The following ALDH1L1 variants were observed in gnomAD, a reference collection of about 807,000 sequenced individuals.
ALDH1L1 encodes cytosolic 10-formyltetrahydrofolate dehydrogenase.
A neutral mutation model predicts 101.1 loss-of-function variants in ALDH1L1; 68 were observed. That is an observed-to-expected ratio of 0.67 (90% CI 0.55 to 0.82). The LOEUF is 0.82. Ranked by LOEUF, ALDH1L1 falls within the 40% of genes least tolerant of loss-of-function variation. The pLI is 0.00. For missense variants in ALDH1L1, 1,087 were observed against 1,172.7 expected (o/e 0.93, Z 1.07); for synonymous variants, 486 against 470.8 (o/e 1.03, Z -0.42).
intron 9 of ALDH1L1, among the ~76,000 whole-genome samples, chr3:126,142,720 T>C (rs13078804): frequency 0.61 from 92,446 of 152,092 alleles, 28,417 homozygotes; most frequent in Middle Eastern, 0.7. Context: ...ATTTGAAAAA[T>C]CCACAGCTAA....
chr3:126,158,066 C>A (rs1310723601), intron 3 of ALDH1L1, among the ~76,000 whole-genome samples: 4 of 152,142 alleles, frequency 2.6e-5, no homozygotes, highest in Admixed American at 2.6e-4. Flanking sequence ...GGGGTGGCAC[C>A]CTGGCCCCTG....
chr3:126,106,994 G>A (rs1945897183), intron 21 of ALDH1L1, 147 bp downstream of exon 21: 3 of 683,604 alleles, frequency 4.4e-6, no homozygotes, highest in Non-Finnish European at 7.6e-6. Flanking sequence ...AGACTCAGCA[G>A]GCGGCACAAG....
intron 8 of ALDH1L1, 149 bp from the exon 9 acceptor site, chr3:126,147,075 A>T: frequency 1.4e-6 from 1 of 712,404 alleles, no homozygotes; most frequent in Non-Finnish European, 2.3e-6. Context: ...TCATCCCAGG[A>T]GGCTTAATGG....
At chr3:126,181,010 G>A (rs139632792), upstream of ALDH1L1, 1 of 1,604,716 alleles carries the variant, frequency 6.2e-7, no homozygotes, top group Non-Finnish European at 8.5e-7. Context: ...GCTGCCCTCC[G>A]GGAATTTGCA....
chr3:126,184,870 TTTTTGTTTTG>T (rs577311809), upstream of ALDH1L1, among the ~76,000 whole-genome samples: 3 of 152,052 alleles, frequency 2.0e-5, no homozygotes, highest in Admixed American at 6.5e-5. Flanking sequence ...CCTGGGCTTG[TTTTTGTTTTG>T]TTTTGTTTTG....
chr3:126,123,606 C>CTTGGGT (rs2080121713), intron 16 of ALDH1L1, among the ~76,000 whole-genome samples: 5 of 133,978 alleles, frequency 3.7e-5, no homozygotes, highest in African/African-American at 1.4e-4. Flanking sequence ...TAGAAAAAAA[C>CTTGGGT]TGAACTAAAT....
intron 1 of ALDH1L1, among the ~76,000 whole-genome samples, chr3:126,167,896 T>A (rs532565421): frequency 2.5e-4 from 38 of 152,252 alleles, no homozygotes; most frequent in African/African-American, 9.1e-4. Flanking sequence ...ACAAAATGAG[T>A]CAGTGTTTTT....
chr3:126,118,109 G>A lies in ALDH1L1; in HGVS notation c.1889-11C>T. The A allele has an allele frequency of 6.2e-7, 1 of 1,602,304 alleles. No individual in the cohort carries two copies. The highest frequency in any genetic ancestry group is 2.2e-5 in the East Asian group (1 of 44,802). On this transcript the variant is annotated splice_polypyrimidine_tract_variant and intron_variant, in intron 16 of 22. Coordinates refer to ENST00000393434, the MANE Select transcript of ALDH1L1 (RefSeq NM_012190.4). ...GGCCGACCAGGGAGCCTGTGGGCGG[G>A]AGGGAGGGGGGAATCAGAGTGGTCC...
chr3:126,194,422 A>T (rs1226878984), intron 1 of ALDH1L1, among the ~76,000 whole-genome samples: 1 of 152,184 alleles, frequency 6.6e-6, no homozygotes, highest in Non-Finnish European at 1.5e-5. Context: ...CTGAAATTTG[A>T]TTTTGGAAAG....
intron 1 of ALDH1L1, among the ~76,000 whole-genome samples, chr3:126,195,233 C>T (rs1179787509): frequency 1.3e-5 from 2 of 152,062 alleles, no homozygotes; most frequent in Non-Finnish European, 2.9e-5. Flanking sequence ...CTATATTAGA[C>T]CAAATATCTT....
intron 12 of ALDH1L1, among the ~76,000 whole-genome samples, chr3:126,132,168 T>C (rs575311755): frequency 1.2e-4 from 19 of 152,314 alleles, no homozygotes; most frequent in Non-Finnish European, 2.2e-4. Context: ...GTTATGAGGG[T>C]GCCCCTCTCA....
chr3:126,124,110 G>GACACACACACACACACACAC (rs3841921), intron 16 of ALDH1L1, among the ~76,000 whole-genome samples: 12 of 148,896 alleles, frequency 8.1e-5, no homozygotes, highest in African/African-American at 2.9e-4. Flanking sequence ...AGGGCGCGCG[G>GACACACACACACACACACAC]ACACACACAC....
intron 1 of ALDH1L1, among the ~76,000 whole-genome samples, chr3:126,189,925 C>T (rs890003590): frequency 1.3e-5 from 2 of 152,126 alleles, no homozygotes; most frequent in African/African-American, 4.8e-5. Context: ...CTTAAAATGC[C>T]ATTTGTTCTT....
chr3:126,157,520 A>G lies in ALDH1L1; in HGVS notation c.363-12T>C. 6.2e-7 allele frequency: 1 copy of G among 1,612,334 alleles called. No individual in the cohort carries two copies. Among genetic ancestry groups the G allele is most frequent in the Non-Finnish European group, 8.5e-7 (1 of 1,179,048 alleles). On this transcript the variant is annotated splice_polypyrimidine_tract_variant and intron_variant, in intron 3 of 22. Transcript: ENST00000393434. The stretch of plus-strand genomic sequence containing the variant: ...CGTGAATGAGGGTCCTAGGAAGCAG[A>G]AGAGTGAAACCTGGAGTCCACGATG...
At chr3:126,178,598 T>C (rs1363971943) in intron 1 of ALDH1L1, among the ~76,000 whole-genome samples, 1 of 152,042 alleles carries the variant, frequency 6.6e-6, no homozygotes, top group Non-Finnish European at 1.5e-5. Context: ...TACAGTCCAA[T>C]TGGGTTAAAA....
chr3:126,145,563 A>C (rs1452854001), intron 9 of ALDH1L1, among the ~76,000 whole-genome samples: 1 of 152,208 alleles, frequency 6.6e-6, no homozygotes, highest in Non-Finnish European at 1.5e-5. Flanking sequence ...CATCATGCTA[A>C]GCGTAAAAAG....
At chr3:126,181,252 G>A, upstream of ALDH1L1, 1 of 560,674 alleles carries the variant, frequency 1.8e-6, no homozygotes, top group Admixed American at 3.1e-5. Flanking sequence ...TAGAATGCCG[G>A]GAGTGATAAT....
chr3:126,150,648 G>A lies in ALDH1L1; in HGVS notation c.859-117C>T, dbSNP rs143894575. 882 of 1,252,920 alleles carry A rather than the reference G, an allele frequency of 7.0e-4. 9 individuals carry two copies. The African/African-American group carries it at 0.012, about 17-fold the overall frequency. 77.6% of individuals were successfully genotyped at this position (1,252,920 alleles called of 1,614,324 possible). ...CGGCTCACTACAACCTCCGCCTCCC[G>A]GGTTGAAGCGATTCTCCTGCCTCAG... is the stretch of plus-strand genomic sequence containing the variant. On this transcript the variant is annotated intron_variant, in intron 7 of 22. Transcript: ENST00000393434.
intron 1 of ALDH1L1, among the ~76,000 whole-genome samples, chr3:126,197,102 TTTTG>T (rs1183593053): frequency 6.6e-6 from 1 of 152,184 alleles, no homozygotes; most frequent in Non-Finnish European, 1.5e-5. Context: ...CTAATCCAGT[TTTTG>T]TTTGTTTGTT....
Sources: gnomAD v4.1 joint callset for allele counts (sites outside exome capture counted in the v4.1 genomes callset) on GRCh38, gnomAD v4.1.1 for gene constraint, MANE v1.5 for transcripts, NCBI Gene and HGNC (gene_info 2026-07-23, HGNC 2026-07-21) for gene names.